The following FALEC variants were observed in gnomAD, a reference collection of about 807,000 sequenced individuals.
FALEC encodes the protein focally amplified lncRNA regulator of ECM1.
At chr1:150,521,480 CT>C (rs1166227981), downstream of FALEC, among the ~76,000 whole-genome samples, 3 of 152,126 alleles carry the variant, frequency 2.0e-5, no homozygotes, top group African/African-American at 7.2e-5. Flanking sequence ...GGTTAAACAC[CT>C]TGTGATATGT....
downstream of FALEC, among the ~76,000 whole-genome samples, chr1:150,519,251 G>A (rs1300661921): frequency 2.0e-5 from 3 of 152,064 alleles, no homozygotes; most frequent in Admixed American, 1.3e-4. Flanking sequence ...GATATTTAGA[G>A]TTATCACTCA....
chr1:150,519,899 T>TC (rs1467668272), downstream of FALEC, among the ~76,000 whole-genome samples: 2 of 151,588 alleles, frequency 1.3e-5, no homozygotes, highest in Non-Finnish European at 2.9e-5. Context: ...ATGCCTGTAA[T>TC]CCCAGCACTT....
chr1:150,520,167 A>G (rs1201346255), downstream of FALEC, among the ~76,000 whole-genome samples: 1 of 152,152 alleles, frequency 6.6e-6, no homozygotes, highest in Non-Finnish European at 1.5e-5. Flanking sequence ...AAATAAATAA[A>G]CAAATGTATG....
intron 1 of FALEC, among the ~76,000 whole-genome samples, chr1:150,516,666 A>T (rs1261119998): frequency 6.6e-6 from 1 of 152,228 alleles, no homozygotes; most frequent in East Asian, 1.9e-4. Context: ...AGGGGCGGTG[A>T]GTAAAGTAAA....
chr1:150,516,999 G>A (rs1173466108), intron 1 of FALEC, among the ~76,000 whole-genome samples: 1 of 152,070 alleles, frequency 6.6e-6, no homozygotes, highest in East Asian at 1.9e-4. Context: ...AGAAAGTGTG[G>A]TATATTTAAA....
downstream of FALEC, among the ~76,000 whole-genome samples, chr1:150,519,856 AAAT>A (rs1035601619): frequency 1.3e-5 from 2 of 151,552 alleles, no homozygotes; most frequent in Non-Finnish European, 2.9e-5. Context: ...CTGTCTCAAA[AAAT>A]AATAATAAAA....
the FALEC span, among the ~76,000 whole-genome samples, chr1:150,528,476 T>C: frequency 6.6e-6 from 1 of 152,122 alleles, no homozygotes; most frequent in Non-Finnish European, 1.5e-5. Context: ...GCTTTAAATG[T>C]CATTCCTCAG....
At chr1:150,515,770 GGCC>G (rs1670559115) in exon 1 of FALEC, 1 of 152,340 alleles carries the variant, frequency 6.6e-6, no homozygotes, top group Non-Finnish European at 1.5e-5. Context: ...CATCTCCTAC[GGCC>G]TCCAGGACAG....
At chr1:150,529,977 A>G in the FALEC span, among the ~76,000 whole-genome samples, 71 of 152,164 alleles carry the variant, frequency 4.7e-4, no homozygotes, top group African/African-American at 1.5e-3. Flanking sequence ...AGCTTACATC[A>G]AATTCTTTAA....
downstream of FALEC, among the ~76,000 whole-genome samples, chr1:150,518,920 G>C (rs1183955311): frequency 6.6e-6 from 1 of 151,972 alleles, no homozygotes; most frequent in Non-Finnish European, 1.5e-5. Context: ...GCTGGGTGTG[G>C]TGGCGTGCCT....
At chr1:150,534,214 G>A in the FALEC span, among the ~76,000 whole-genome samples, 2 of 152,122 alleles carry the variant, frequency 1.3e-5, no homozygotes, top group Non-Finnish European at 1.5e-5. Context: ...GCAGGAGGGC[G>A]GCACCTCCCC....
the FALEC span, among the ~76,000 whole-genome samples, chr1:150,536,135 G>A: frequency 0.037 from 5,580 of 152,216 alleles, 356 homozygotes; most frequent in African/African-American, 0.13. Context: ...AGGTCACATC[G>A]GGCCAGTATG....
chr1:150,520,783 CTTT>C (rs71086518), downstream of FALEC, among the ~76,000 whole-genome samples: 1 of 42,818 alleles, frequency 2.3e-5, no homozygotes, highest in African/African-American at 9.7e-5. Flanking sequence ...CTTTTCTTTT[CTTT>C]TTTTTTTTTT....
chr1:150,529,113 G>C, the FALEC span, among the ~76,000 whole-genome samples: 2 of 151,262 alleles, frequency 1.3e-5, no homozygotes, highest in South Asian at 4.2e-4. Context: ...AATATGTGCA[G>C]CTGGGCTTCT....
At chr1:150,534,838 C>T in the FALEC span, among the ~76,000 whole-genome samples, 1 of 99,530 alleles carries the variant, frequency 1.0e-5, no homozygotes, top group African/African-American at 3.3e-5. Context: ...AAGACTCTGT[C>T]TCAAAAAAAA....
At chr1:150,534,820 A>G in the FALEC span, among the ~76,000 whole-genome samples, 13 of 148,244 alleles carry the variant, frequency 8.8e-5, no homozygotes, top group South Asian at 6.5e-4. Context: ...CCAGCCTGGC[A>G]ACAGAGCAAG....
At chr1:150,535,842 G>A in the FALEC span, among the ~76,000 whole-genome samples, 1 of 152,226 alleles carries the variant, frequency 6.6e-6, no homozygotes, top group Non-Finnish European at 1.5e-5. Context: ...AGCAACTGGA[G>A]AACGAAAGTC....
downstream of FALEC, among the ~76,000 whole-genome samples, chr1:150,521,765 C>G (rs587710146): frequency 6.6e-6 from 1 of 152,260 alleles, no homozygotes; most frequent in South Asian, 2.1e-4. Flanking sequence ...ATTTATGGAC[C>G]TTCCATTCTA....
the FALEC span, among the ~76,000 whole-genome samples, chr1:150,523,381 C>T: frequency 1.3e-5 from 2 of 151,340 alleles, no homozygotes; most frequent in South Asian, 2.1e-4. Context: ...CGACCAGGCG[C>T]GGTGGCTCAT....
Sources: gnomAD v4.1 joint callset for allele counts (sites outside exome capture counted in the v4.1 genomes callset) on GRCh38, gnomAD v4.1.1 for gene constraint, MANE v1.5 for transcripts, NCBI Gene and HGNC (gene_info 2026-07-23, HGNC 2026-07-21) for gene names.